DPH6: variants seen among roughly 807,000 people sequenced by gnomAD.
DPH6 encodes diphthamine biosynthesis 6.
DPH6 carries 33 observed loss-of-function variants against 38.2 expected under a neutral mutation model. The observed-to-expected ratio is 0.86, with a 90% CI of 0.65 to 1.15. The LOEUF is 1.15. DPH6 is among the 50% of genes most tolerant of loss of function. The pLI, the probability that DPH6 is intolerant of heterozygous loss-of-function variation, is 0.00. For synonymous variants in DPH6, 108 were observed against 103.0 expected, an observed-to-expected ratio of 1.05 and a Z score of -0.30; for missense variants, 325 against 320.0, an observed-to-expected ratio of 1.02 and a Z score of -0.12.
chr15:35,271,688 A>G (rs2051823537), intron 3 of DPH6, among the ~76,000 whole-genome samples: 1 of 152,256 alleles, frequency 6.6e-6, no homozygotes, highest in South Asian at 2.1e-4. Context: ...TGTCCCAGAC[A>G]TACAGGATGG....
At chr15:35,343,847 G>A (rs1353408742) in intron 3 of DPH6, among the ~76,000 whole-genome samples, 1 of 151,894 alleles carries the variant, frequency 6.6e-6, no homozygotes, top group Non-Finnish European at 1.5e-5. Context: ...TAAAAATAAG[G>A]AAATATGATA....
rs533209005 is a variant in DPH6, at chr15:35,272,027, G to C, written n.201-51445C>G. Reference sequence around the variant, plus strand: ...ACTATCTATTTTATAGGGTGTTTGTGAACATTAAAGACAATGCAGTTCACC... The same window carrying C: ...ACTATCTATTTTATAGGGTGTTTGTCAACATTAAAGACAATGCAGTTCACC... On this transcript the variant is annotated intron_variant and non_coding_transcript_variant, in intron 3 of 3. Transcript: ENST00000560386. 7.2e-5 allele frequency among the ~76,000 whole-genome samples: 11 copies of C among 152,162 alleles called. No homozygotes were observed. The East Asian group carries it at 2.1e-3, about 29-fold the overall frequency.
At chr15:35,338,429 G>A (rs1322294998) in intron 3 of DPH6, among the ~76,000 whole-genome samples, 1 of 152,154 alleles carries the variant, frequency 6.6e-6, no homozygotes, top group African/African-American at 2.4e-5. Flanking sequence ...ACAGATGAAA[G>A]AATGCTCACC....
In DPH6 at chr15:35,439,130, G is replaced by C. The variant is rs188140694; in HGVS notation, c.505+11555C>G. On this transcript the variant is annotated intron_variant, in intron 5 of 8. Transcript: ENST00000256538. ...CGGTCAAACTGGTTAAGACTGGATAGAATTGTCTTTAAGATTTCATTAGAA... is the reference window on the plus strand; with the variant it reads ...CGGTCAAACTGGTTAAGACTGGATACAATTGTCTTTAAGATTTCATTAGAA... Among the ~76,000 whole-genome samples, 8 of 152,330 alleles carry C rather than the reference G, an allele frequency of 5.3e-5. No individual in the cohort carries two copies. The East Asian group carries it at 1.5e-3, about 29-fold the overall frequency.
chr15:35,286,223 T>A (rs1048039148), intron 3 of DPH6, among the ~76,000 whole-genome samples: 1 of 152,350 alleles, frequency 6.6e-6, no homozygotes, highest in South Asian at 2.1e-4. Flanking sequence ...ATTACAATAC[T>A]GTAGCAGCAG....
intron 6 of DPH6, chr15:35,401,281 G>T (rs1349739970): frequency 4.4e-6 from 4 of 903,864 alleles, no homozygotes; most frequent in Non-Finnish European, 7.3e-6. Flanking sequence ...AGACAGTTTC[G>T]GTGGGAATGA....
intron 3 of DPH6, among the ~76,000 whole-genome samples, chr15:35,497,736 A>G (rs2054575728): frequency 6.6e-6 from 1 of 152,240 alleles, no homozygotes; most frequent in Non-Finnish European, 1.5e-5. Context: ...TAAAAGTAAT[A>G]AAACCAAGAC....
chr15:35,430,410 C>T (rs1209122402), intron 5 of DPH6, among the ~76,000 whole-genome samples: 1 of 142,348 alleles, frequency 7.0e-6, no homozygotes, highest in Non-Finnish European at 1.5e-5. Flanking sequence ...AAAAAAAATG[C>T]AATTATTGAA....
chr15:35,395,671 C>T (rs925000842), intron 6 of DPH6, among the ~76,000 whole-genome samples: 2 of 152,174 alleles, frequency 1.3e-5, no homozygotes, highest in African/African-American at 2.4e-5. Flanking sequence ...CTCAGCTACT[C>T]CAGGTCATGT....
At chr15:35,249,939 G>A (rs558327554) in intron 3 of DPH6, among the ~76,000 whole-genome samples, 5 of 152,130 alleles carry the variant, frequency 3.3e-5, no homozygotes, top group South Asian at 2.1e-4. Flanking sequence ...CGAGGCAGGC[G>A]GATCACGAGG....
chr15:35,319,836 A>C (rs2052224639), intron 3 of DPH6, among the ~76,000 whole-genome samples: 1 of 152,012 alleles, frequency 6.6e-6, no homozygotes, highest in Middle Eastern at 3.2e-3. Flanking sequence ...TGCTACCAAC[A>C]TACAAGAACA....
intron 3 of DPH6, among the ~76,000 whole-genome samples, chr15:35,518,130 T>C (rs2054872698): frequency 6.6e-6 from 1 of 152,050 alleles, no homozygotes; most frequent in Non-Finnish European, 1.5e-5. Flanking sequence ...GAACATCTTT[T>C]ATGTGCCAGG....
chr15:35,204,577 T>A, the DPH6 span, among the ~76,000 whole-genome samples: 1 of 151,792 alleles, frequency 6.6e-6, no homozygotes, highest in Non-Finnish European at 1.5e-5. Context: ...GAACGTATGA[T>A]CTTTTTTGAG....
the DPH6 span, among the ~76,000 whole-genome samples, chr15:35,181,235 G>T: frequency 6.6e-6 from 1 of 151,984 alleles, no homozygotes; most frequent in African/African-American, 2.4e-5. Flanking sequence ...TTATATTTGG[G>T]CATTGTCACA....
At chr15:35,283,756 G>GCACACACACACACACACACACACACA (rs757887783) in intron 3 of DPH6, among the ~76,000 whole-genome samples, 4 of 123,652 alleles carry the variant, frequency 3.2e-5, no homozygotes, top group Non-Finnish European at 6.6e-5. Flanking sequence ...GGCACAGATA[G>GCACACACACACACACACACACACACA]TACACACACA....
At chr15:35,272,673 C>T (rs772297013) in intron 3 of DPH6, among the ~76,000 whole-genome samples, 3 of 152,054 alleles carry the variant, frequency 2.0e-5, no homozygotes, top group Non-Finnish European at 4.4e-5. Context: ...CTTTGGGAGG[C>T]CGAGGCAGGT....
At chr15:35,325,293 C>T (rs1230544710) in intron 3 of DPH6, among the ~76,000 whole-genome samples, 1 of 152,054 alleles carries the variant, frequency 6.6e-6, no homozygotes, top group Non-Finnish European at 1.5e-5. Context: ...ATGAACAAAG[C>T]TGGAGAACTT....
At chr15:35,405,969 T>C (rs781055753) in intron 6 of DPH6, among the ~76,000 whole-genome samples, 15 of 152,082 alleles carry the variant, frequency 9.9e-5, no homozygotes, top group Non-Finnish European at 7.4e-5. Context: ...TTGGTGTCAC[T>C]GGAAGACTTT....
intron 3 of DPH6, among the ~76,000 whole-genome samples, chr15:35,479,771 C>G (rs1595400615): frequency 2.0e-5 from 3 of 152,136 alleles, no homozygotes; most frequent in African/African-American, 2.4e-5. Context: ...TCTCTTAACT[C>G]TTTACAACTT....
Sources: gnomAD v4.1 joint callset for allele counts (sites outside exome capture counted in the v4.1 genomes callset) on GRCh38, gnomAD v4.1.1 for gene constraint, MANE v1.5 for transcripts, NCBI Gene and HGNC (gene_info 2026-07-23, HGNC 2026-07-21) for gene names.